ITGB8: variants seen among roughly 807,000 people sequenced by gnomAD.
ITGB8 encodes the protein integrin subunit beta 8, also known as integrin beta-8.
ITGB8 carries 30 observed loss-of-function variants against 89.5 expected under a neutral mutation model. The observed-to-expected ratio is 0.34, with a 90% confidence interval of 0.25 to 0.45. The LOEUF (loss-of-function observed/expected upper bound fraction) is 0.45, where lower values mean the gene tolerates loss of function less well. ITGB8 is among the 20% of genes least tolerant of loss of function. The pLI is 1.00. For missense variants in ITGB8, 836 were observed against 933.3 expected, an observed-to-expected ratio of 0.90 and a Z score of 1.36; for synonymous variants, 335 against 320.4, an observed-to-expected ratio of 1.05 and a Z score of -0.49.
At chr7:20,372,389 GA>G (rs1401540116) in intron 3 of ITGB8, among the ~76,000 whole-genome samples, 2 of 152,212 alleles carry the variant, frequency 1.3e-5, no homozygotes, top group African/African-American at 4.8e-5. Flanking sequence ...GTAAACTTGA[GA>G]GAGAATGGAG....
chr7:20,413,455 T>C lies in ITGB8; in HGVS notation c.*3458T>C, dbSNP rs563993737. 6.6e-6 allele frequency: 1 copy of C among 152,652 alleles called. No homozygotes were observed. Among genetic ancestry groups the C allele is most frequent in the South Asian group, 2.1e-4 (1 of 4,826 alleles). The allele number at this position is 152,652 out of a possible 1,614,324, so 9.5% of individuals were successfully genotyped here. On this transcript the variant is annotated 3_prime_UTR_variant, in exon 14 of 14. Coordinates refer to ENST00000222573, the MANE Select transcript of ITGB8 (RefSeq NM_002214.3). ...ATATATTATGATAGATTATGAAGAA[T>C]TTTCTCTGTAGAATTATATTCTTCC... is the stretch of plus-strand genomic sequence containing the variant.
At chr7:20,336,756 C>T (rs971497626) in intron 1 of ITGB8, among the ~76,000 whole-genome samples, 4 of 152,188 alleles carry the variant, frequency 2.6e-5, no homozygotes, top group Admixed American at 1.3e-4. Flanking sequence ...TGGACACACC[C>T]ACCTGTGACC....
intron 1 of ITGB8, among the ~76,000 whole-genome samples, chr7:20,333,010 G>T (rs558996306): frequency 2.6e-4 from 40 of 151,652 alleles, no homozygotes; most frequent in African/African-American, 9.2e-4. Context: ...GACCTCTTGG[G>T]CTCAAGGAGA....
rs1784562397 is a variant in ITGB8 at position 20,336,004 on chromosome 7, T to TTC, written c.127+4072_127+4073insCT. Among the ~76,000 whole-genome samples the TTC allele has an allele frequency of 1.9e-5, 2 of 107,076 alleles. 1 individual carries two copies. The allele number at this position is 107,076 out of a possible 152,430, so 70.2% of individuals were successfully genotyped here. On this transcript the variant is annotated intron_variant, in intron 1 of 13. Coordinates refer to ENST00000222573, the MANE Select transcript of ITGB8 (RefSeq NM_002214.3). ...CTCTGATCCAGTCTTGGTTTTCTTT[T>TTC]TTTTTTTTTTTTTTTTTTTGAGACG... is the stretch of plus-strand genomic sequence containing the variant.
At chr7:20,366,950 AT>A in intron 2 of ITGB8, 61 bp from the exon 3 acceptor site, 1 of 1,154,122 alleles carries the variant, frequency 8.7e-7, no homozygotes, top group Non-Finnish European at 1.2e-6. Flanking sequence ...TTGCTATGTC[AT>A]TTTCTTTGGA....
intron 1 of ITGB8, among the ~76,000 whole-genome samples, chr7:20,358,890 G>A (rs778427513): frequency 3.3e-5 from 5 of 152,122 alleles, no homozygotes; most frequent in Non-Finnish European, 5.9e-5. Context: ...AGTTGTCAGT[G>A]TCTACTATTC....
chr7:20,364,259 G>A (rs1024353363), intron 2 of ITGB8, among the ~76,000 whole-genome samples: 5 of 152,048 alleles, frequency 3.3e-5, no homozygotes, highest in Admixed American at 1.3e-4. Context: ...CTGAAGAAGC[G>A]ATCTGCTAAT....
chr7:20,385,999 T>C (rs891509721), intron 6 of ITGB8, among the ~76,000 whole-genome samples: 3 of 152,224 alleles, frequency 2.0e-5, no homozygotes, highest in African/African-American at 7.2e-5. Context: ...GACGTGGCCT[T>C]TTCTACTTCA....
At chr7:20,369,774 A>C (rs1464348025) in intron 3 of ITGB8, among the ~76,000 whole-genome samples, 1 of 152,234 alleles carries the variant, frequency 6.6e-6, no homozygotes, top group Non-Finnish European at 1.5e-5. Context: ...AGCATGGTGT[A>C]ATAAAATTTT....
At chr7:20,405,438 G>T (rs1330418719) in intron 11 of ITGB8, among the ~76,000 whole-genome samples, 1 of 150,296 alleles carries the variant, frequency 6.7e-6, no homozygotes, top group African/African-American at 2.4e-5. Context: ...AGCCTCCCGA[G>T]TAGCTGGGAC....
In ITGB8 at chr7:20,414,133, A is replaced by G. The variant is rs1359159628; in HGVS notation, c.*4136A>G. On this transcript the variant is annotated 3_prime_UTR_variant, in exon 14 of 14. Coordinates refer to ENST00000222573, the MANE Select transcript of ITGB8 (RefSeq NM_002214.3). ...ATGCAGTGTTTAAAATTATGCTTGA[A>G]TAAATATTACACTAATCCAACTTTA... 6.6e-6 allele frequency: 1 copy of G among 152,172 alleles called. No individual in the cohort carries two copies. Among genetic ancestry groups the G allele is most frequent in the African/African-American group, 2.4e-5 (1 of 41,462 alleles). The allele number at this position is 152,172 out of a possible 1,614,324, so 9.4% of individuals were successfully genotyped here.
In ITGB8 at chr7:20,404,914, T is replaced by C. The variant is rs536774273; in HGVS notation, c.1913+61T>C. 2.1e-6 allele frequency: 3 copies of C among 1,418,266 alleles called. No homozygotes were observed. In the South Asian group the frequency reaches 3.5e-5, roughly 16 times the overall value. 87.9% of individuals were successfully genotyped at this position (1,418,266 alleles called of 1,614,324 possible). ...TAGCTACTTTTGTCCTTTTTCGTTC[T>C]GACTTCCTTAATCTTAAACGTTGCC... On this transcript the variant is annotated intron_variant, in intron 11 of 13. Transcript: ENST00000222573.
intron 1 of ITGB8, among the ~76,000 whole-genome samples, chr7:20,333,693 G>A (rs1784488132): frequency 6.6e-6 from 1 of 152,188 alleles, no homozygotes; most frequent in African/African-American, 2.4e-5. Flanking sequence ...GGGCCTACTT[G>A]CACCTGCAGA....
chr7:20,405,474 C>A (rs1415989929), intron 11 of ITGB8, among the ~76,000 whole-genome samples: 1 of 141,392 alleles, frequency 7.1e-6, no homozygotes, highest in African/African-American at 2.8e-5. Flanking sequence ...CCACGCCGGG[C>A]TAATTTTTTT....
At chr7:20,375,243 T>C (rs1037807778) in intron 3 of ITGB8, among the ~76,000 whole-genome samples, 1 of 152,114 alleles carries the variant, frequency 6.6e-6, no homozygotes, top group Non-Finnish European at 1.5e-5. Context: ...TCCCAAATTA[T>C]AGTCAATTAT....
chr7:20,412,462 GAAC>G lies in ITGB8; in HGVS notation c.*2468_*2470del, dbSNP rs145188429. Reference sequence around the variant, plus strand: ...TTGAAATGAACATTATGATATTTATGAACAATAAACAAATTTCCGTATGGAATG... The same window carrying G: ...TTGAAATGAACATTATGATATTTATGAATAAACAAATTTCCGTATGGAATG... On this transcript the variant is annotated 3_prime_UTR_variant, in exon 14 of 14. Transcript: ENST00000222573. 6.5e-3 allele frequency: 994 copies of G among 152,572 alleles called. 9 individuals carry two copies. Among genetic ancestry groups the G allele is most frequent in the African/African-American group, 0.023 (967 of 41,518 alleles). The allele number at this position is 152,572 out of a possible 1,614,324, so 9.5% of individuals were successfully genotyped here. A position where few individuals can be genotyped will look rare whatever the true frequency, so the allele number is the denominator to read the frequency against.
chr7:20,406,236 G>A, intron 12 of ITGB8, 65 bp downstream of exon 12: 1 of 1,008,164 alleles, frequency 9.9e-7, no homozygotes, highest in South Asian at 1.3e-5. Context: ...TCCCCCAAAA[G>A]ACCCATAATT....
chr7:20,347,105 G>A (rs1784951757), intron 1 of ITGB8, among the ~76,000 whole-genome samples: 1 of 152,142 alleles, frequency 6.6e-6, no homozygotes. Flanking sequence ...TATGAGGAAG[G>A]CTCCCTCGCC....
intron 1 of ITGB8, among the ~76,000 whole-genome samples, chr7:20,354,769 C>T (rs1031094790): frequency 2.0e-5 from 3 of 152,142 alleles, no homozygotes; most frequent in Non-Finnish European, 4.4e-5. Context: ...TCACAGAAGC[C>T]CCATTCAGAA....
Sources: allele counts gnomAD v4.1 joint callset (sites outside exome capture counted in the v4.1 genomes callset), GRCh38; gene constraint gnomAD v4.1.1; transcripts MANE v1.5; gene names NCBI Gene and HGNC (gene_info 2026-07-23, HGNC 2026-07-21).